Variants in ARNT observed in about 807,000 individuals in gnomAD.
ARNT encodes class E basic helix-loop-helix protein 2.
In ARNT, 30 loss-of-function variants were observed where a neutral mutation model predicts 105.0. That is an observed-to-expected ratio of 0.29 (90% CI 0.21 to 0.39). The LOEUF is 0.39. Among genes scored for constraint, ARNT ranks in the 10% least tolerant of loss-of-function variants. The pLI is 1.00. For missense variants in ARNT, 748 were observed against 978.7 expected (o/e 0.76, Z 3.15); for synonymous variants, 304 against 344.0 (o/e 0.88, Z 1.29).
intron 13 of ARNT, among the ~76,000 whole-genome samples, chr1:150,824,558 A>G (rs1005101423): frequency 1.3e-5 from 2 of 148,976 alleles, no homozygotes; most frequent in Non-Finnish European, 3.0e-5. Context: ...GGTTCAAGTG[A>G]TTCTCCTGCC....
In ARNT at chr1:150,846,275, T is replaced by C; in HGVS notation, c.215A>G (p.Glu72Gly). 2 of 1,613,572 alleles carry C rather than the reference T, an allele frequency of 1.2e-6. No individual in the cohort carries two copies. Among genetic ancestry groups the C allele is most frequent in the Non-Finnish European group, 1.7e-6 (2 of 1,179,594 alleles). ...CDDDQMSNDKERFARSDDEQS... is the reference protein window; with the variant it reads ...CDDDQMSNDKGRFARSDDEQS... ...ACTACAATATTACCTGGCAAACCGC[T>C]CCTTATCGTTAGACATCTGATCATC... Residue 72 changes from glutamate to glycine, a missense_variant, in exon 4 of 22, where the codon GAG becomes GGG. By Grantham distance (98) the Glu-to-Gly change is moderately conservative. Transcript: ENST00000358595.
At chr1:150,814,266 G>C in intron 19 of ARNT, 27 bp from the exon 20 acceptor site, 1 of 1,609,000 alleles carries the variant, frequency 6.2e-7, no homozygotes. Flanking sequence ...AGGGGATATA[G>C]AACAAATACA....
At chr1:150,829,800 A>G (rs1659005811) in intron 11 of ARNT, 104 bp downstream of exon 11, 3 of 1,242,418 alleles carry the variant, frequency 2.4e-6, no homozygotes, top group Non-Finnish European at 3.4e-6. Context: ...AGTTTTATGG[A>G]ATTCTTCATT....
intron 16 of ARNT, 26 bp downstream of exon 16, chr1:150,817,335 T>C: frequency 6.2e-7 from 1 of 1,613,632 alleles, no homozygotes; most frequent in South Asian, 1.1e-5. Flanking sequence ...CTCCCTACCC[T>C]CTTCAACGAA....
rs2101952540 is a variant in ARNT at position 150,839,629 on chromosome 1, G to A, written c.298C>T (p.Arg100Trp). The A allele has an allele frequency of 6.2e-7, 1 of 1,613,896 alleles. No individual in the cohort carries two copies. Among genetic ancestry groups the A allele is most frequent in the Middle Eastern group, 1.7e-4 (1 of 6,026 alleles). Residue 100 changes from arginine to tryptophan, a missense_variant, in exon 6 of 22, where the codon CGG becomes TGG. This residue lies in a region of ARNT where 291 missense variants were observed against 444.6 expected (regional missense o/e 0.65). Coordinates refer to ENST00000358595, the MANE Select transcript of ARNT (RefSeq NM_001668.4). ...TAGGCTGTCATCTTGTTCCGTCGCC[G>A]CCGTTCAATTTCACTGTGATTTTCC... ...ARENHSEIER[R>W]RRNKMTAYIT...
intron 2 of ARNT, 70 bp downstream of exon 2, chr1:150,858,279 A>C: frequency 1.7e-6 from 2 of 1,199,654 alleles, no homozygotes; most frequent in South Asian, 2.6e-5. Flanking sequence ...GAGTTCAGCA[A>C]CTAAATAAAT....
chr1:150,820,007 T>C (rs1167276966), intron 14 of ARNT, among the ~76,000 whole-genome samples: 1 of 152,202 alleles, frequency 6.6e-6, no homozygotes, highest in Non-Finnish European at 1.5e-5. Context: ...CAGTAACTAA[T>C]GAAAGAGGAG....
intron 11 of ARNT, chr1:150,829,511 G>A (rs1410998496): frequency 1.7e-6 from 1 of 599,028 alleles, no homozygotes; most frequent in Admixed American, 2.5e-5. Context: ...CATTACTCAG[G>A]TTGATATGGT....
chr1:150,872,837 C>G (rs1449974000), intron 1 of ARNT, among the ~76,000 whole-genome samples: 3 of 152,168 alleles, frequency 2.0e-5, no homozygotes, highest in Middle Eastern at 3.4e-3. Context: ...TGGTGCACAC[C>G]TGTGGTCCCA....
intron 14 of ARNT, among the ~76,000 whole-genome samples, chr1:150,821,796 G>A (rs1285386737): frequency 2.0e-5 from 3 of 149,100 alleles, no homozygotes; most frequent in African/African-American, 7.5e-5. Flanking sequence ...CTATAGGCGT[G>A]TGCCACCATG....
chr1:150,849,288 C>G (rs1407905344), intron 3 of ARNT, among the ~76,000 whole-genome samples: 1 of 151,950 alleles, frequency 6.6e-6, no homozygotes, highest in African/African-American at 2.4e-5. Flanking sequence ...CATTGGGCTC[C>G]TTTATCAAAT....
chr1:150,874,703 A>G (rs1225979033), intron 1 of ARNT, among the ~76,000 whole-genome samples: 1 of 152,130 alleles, frequency 6.6e-6, no homozygotes, highest in East Asian at 1.9e-4. Context: ...GCAAAAGAAA[A>G]AGAGGGGAGA....
At chr1:150,867,135 C>T (rs1246452427) in intron 1 of ARNT, among the ~76,000 whole-genome samples, 2 of 151,892 alleles carry the variant, frequency 1.3e-5, no homozygotes, top group Non-Finnish European at 2.9e-5. Context: ...ACCTAGGAGG[C>T]GGAGGCTGCG....
intron 8 of ARNT, among the ~76,000 whole-genome samples, chr1:150,833,388 A>G (rs587671679): frequency 1.3e-5 from 2 of 152,292 alleles, no homozygotes; most frequent in East Asian, 3.9e-4. Context: ...GCTACTCAGG[A>G]AACTGAGGCA....
chr1:150,856,153 A>C (rs1302259299), intron 2 of ARNT, among the ~76,000 whole-genome samples: 1 of 152,212 alleles, frequency 6.6e-6, no homozygotes, highest in Non-Finnish European at 1.5e-5. Flanking sequence ...CTTTAAAAGA[A>C]ATATGGGCCG....
At chr1:150,865,579 T>C (rs1666427479) in intron 1 of ARNT, among the ~76,000 whole-genome samples, 1 of 152,156 alleles carries the variant, frequency 6.6e-6, no homozygotes, top group Admixed American at 6.6e-5. Context: ...TTTTCTCTAT[T>C]CCTTCTAACC....
intron 1 of ARNT, among the ~76,000 whole-genome samples, chr1:150,864,871 TTTTC>T (rs927892115): frequency 7.1e-6 from 1 of 141,582 alleles, no homozygotes; most frequent in African/African-American, 2.6e-5. Context: ...AACAAAATGG[TTTTC>T]TTTAAATCAA....
rs1666962181 is a variant in ARNT, at chr1:150,868,574, A to G, written c.25+7969T>C. On this transcript the variant is annotated intron_variant, in intron 1 of 21. Coordinates refer to ENST00000358595, the MANE Select transcript of ARNT (RefSeq NM_001668.4). Reference sequence around the variant, plus strand: ...AATCTCAGCAATCTGGGAGGCCAACAGCAGGAGGATCACTCGAGGACAGTA... The same window carrying G: ...AATCTCAGCAATCTGGGAGGCCAACGGCAGGAGGATCACTCGAGGACAGTA... Among the ~76,000 whole-genome samples the G allele has an allele frequency of 3.3e-5, 5 of 152,162 alleles. No individual in the cohort carries two copies. In the South Asian group the frequency reaches 1.0e-3, roughly 31 times the overall value.
intron 4 of ARNT, among the ~76,000 whole-genome samples, chr1:150,843,743 T>C (rs2102011667): frequency 6.6e-6 from 1 of 152,310 alleles, no homozygotes; most frequent in African/African-American, 2.4e-5. Context: ...CCTCTTACTG[T>C]CATTTTTAAA....
Sources: gnomAD v4.1 joint callset for allele counts (sites outside exome capture counted in the v4.1 genomes callset) on GRCh38, gnomAD v4.1.1 for gene constraint, gnomAD v4.1.1 regional missense constraint, MANE v1.5 for transcripts, NCBI Gene and HGNC (gene_info 2026-07-23, HGNC 2026-07-21) for gene names.